Variants in DNAAF5 observed in about 807,000 individuals in gnomAD.
DNAAF5 encodes the protein HEAT repeat containing 2.
DNAAF5 carries 64 observed loss-of-function variants against 75.8 expected under a neutral mutation model. The ratio of observed to expected loss-of-function variants is 0.84; its 90% CI spans 0.69 to 1.04. The LOEUF is 1.04. Among genes scored for constraint, DNAAF5 ranks in the 50% least tolerant of loss-of-function variants. The pLI, the probability that DNAAF5 is intolerant of heterozygous loss-of-function variation, is 0.00. For missense variants in DNAAF5, 1,269 were observed against 1,178.5 expected, an observed-to-expected ratio of 1.08 and a Z score of -1.12; for synonymous variants, 657 against 557.2, an observed-to-expected ratio of 1.18 and a Z score of -2.52.
In DNAAF5 at chr7:727,234, C is replaced by A. The variant is rs997791435; in HGVS notation, c.514C>A (p.Arg172Ser). 7.3e-7 allele frequency: 1 copy of A among 1,362,742 alleles called. No individual in the cohort carries two copies. The highest frequency in any genetic ancestry group is 3.3e-5 in the Admixed American group (1 of 30,154). 84.4% of individuals were successfully genotyped at this position (1,362,742 alleles called of 1,614,324 possible). The change falls in exon 1 of 13, where the codon CGC (arginine) becomes AGC (serine). Residue 172 changes from arginine to serine, a missense_variant. Physicochemically the swap from Arg to Ser is moderately radical, Grantham distance 110. Transcript: ENST00000297440. ...PHLDDALRALRCSLLDPFAAV... is the reference protein window; with the variant it reads ...PHLDDALRALSCSLLDPFAAV... ...CCTGGACGACGCTCTGCGCGCGCTGCGCTGCTCCCTGCTCGACCCCTTCGC... is the reference window on the plus strand; with the variant it reads ...CCTGGACGACGCTCTGCGCGCGCTGAGCTGCTCCCTGCTCGACCCCTTCGC...
Position 766,035 on chromosome 7 carries a change from C to G in DNAAF5, c.1783+2061C>G, listed in dbSNP as rs375527632. On this transcript the variant is annotated intron_variant, in intron 8 of 12. Transcript: ENST00000297440. ...GTAGACATGGGGTCTCTTTATGTTG[C>G]CCAGGCTGACCTCAAACTCCTAGGC... 2.0e-4 allele frequency among the ~76,000 whole-genome samples: 30 copies of G among 152,294 alleles called. No homozygotes were observed. The East Asian group carries it at 5.0e-3, about 25-fold the overall frequency.
In DNAAF5 at chr7:737,545, C is replaced by T. The variant is rs114634506; in HGVS notation, c.781-3274C>T. Among the ~76,000 whole-genome samples the T allele has an allele frequency of 5.8e-3, 888 of 152,308 alleles. 11 individuals carry two copies. The highest frequency in any genetic ancestry group is 0.02 in the African/African-American group (841 of 41,564). ...TATCCTTTTAGATGATTTCTTATTG[C>T]TCCTCAGCATCCTTATTTTTCAGAT... On this transcript the variant is annotated intron_variant, in intron 2 of 12. Coordinates refer to ENST00000297440, the MANE Select transcript of DNAAF5 (RefSeq NM_017802.4).
chr7:727,742 C>T (rs1160042719), intron 1 of DNAAF5: 4 of 120,486 alleles, frequency 3.3e-5, no homozygotes, highest in Admixed American at 8.8e-5. Flanking sequence ...GCCCCCTCCA[C>T]CTGCCTATCC....
At chr7:772,838 G>T (rs1448274158) in intron 9 of DNAAF5, 1 of 152,050 alleles carries the variant, frequency 6.6e-6, no homozygotes, top group Non-Finnish European at 1.5e-5. Flanking sequence ...GCAAGAGCGA[G>T]ACTTTGTCTC....
intron 2 of DNAAF5, 38 bp downstream of exon 2, chr7:729,885 C>CCAA: frequency 1.2e-6 from 2 of 1,600,314 alleles, no homozygotes; most frequent in Non-Finnish European, 1.7e-6. Context: ...GTTCCTCTCT[C>CCAA]CAACACAGGC....
chr7:777,826 GA>G (rs1288887059), intron 11 of DNAAF5, among the ~76,000 whole-genome samples: 1 of 152,188 alleles, frequency 6.6e-6, no homozygotes, highest in East Asian at 1.9e-4. Flanking sequence ...ACGAGACAGA[GA>G]GGGGTGCAAG....
chr7:763,070 G>T (rs955506733), intron 7 of DNAAF5, among the ~76,000 whole-genome samples: 25 of 152,208 alleles, frequency 1.6e-4, no homozygotes, highest in African/African-American at 6.0e-4. Context: ...CTCTCTGGGA[G>T]ATTTACGGCC....
chr7:744,978 C>G (rs1405348789), intron 4 of DNAAF5, among the ~76,000 whole-genome samples: 1 of 152,162 alleles, frequency 6.6e-6, no homozygotes, highest in Non-Finnish European at 1.5e-5. Context: ...ACACTCTTGT[C>G]TCTGCATCAG....
At chr7:753,441 G>A (rs1469983734) in intron 4 of DNAAF5, among the ~76,000 whole-genome samples, 2 of 152,248 alleles carry the variant, frequency 1.3e-5, no homozygotes, top group East Asian at 1.9e-4. Context: ...CAGGGGTGCC[G>A]GGGTGCCTTG....
At position 729,853 on chromosome 7, in the gene DNAAF5, T is replaced by G; in HGVS notation, c.780+6T>G. 1 of 1,614,004 alleles carries G rather than the reference T, an allele frequency of 6.2e-7. No individual in the cohort carries two copies. Among genetic ancestry groups the G allele is most frequent in the Non-Finnish European group, 8.5e-7 (1 of 1,179,904 alleles). On this transcript the variant is annotated splice_donor_region_variant and intron_variant, in intron 2 of 12. Coordinates refer to ENST00000297440, the MANE Select transcript of DNAAF5 (RefSeq NM_017802.4). The stretch of plus-strand genomic sequence containing the variant: ...TGTTTGATGACGTCCCGCAGGTAAC[T>G]GGTGTTTCTCCTGGACAGTCTGTTC...
Position 726,915 on chromosome 7 carries a change from C to G in DNAAF5, c.195C>G (p.Asp65Glu). 7.4e-7 allele frequency: 1 copy of G among 1,346,646 alleles called. No individual in the cohort carries two copies. The highest frequency in any genetic ancestry group is 9.5e-7 in the Non-Finnish European group (1 of 1,047,266). The allele number at this position is 1,346,646 out of a possible 1,614,324, so 83.4% of individuals were successfully genotyped here. The change falls in exon 1 of 13, where the codon GAC (aspartate) becomes GAG (glutamate). Residue 65 changes from aspartate (D) to glutamate (E), a missense_variant. Physicochemically the swap from Asp to Glu is conservative, Grantham distance 45. Transcript: ENST00000297440. ...RALEEPGPAA[D>E]PTAFQGPWAR... The stretch of plus-strand genomic sequence containing the variant: ...TGGAGGAGCCAGGCCCTGCCGCCGA[C>G]CCCACCGCTTTCCAGGGCCCCTGGG...
intron 4 of DNAAF5, among the ~76,000 whole-genome samples, chr7:749,499 G>C (rs973930826): frequency 3.3e-5 from 5 of 152,144 alleles, no homozygotes; most frequent in African/African-American, 1.2e-4. Context: ...CTCCTGTTCT[G>C]CCTTGGAGCT....
rs568740898 is a variant in DNAAF5, at chr7:767,187, C to T, written c.1783+3213C>T. Among the ~76,000 whole-genome samples the T allele has an allele frequency of 3.7e-3, 540 of 145,156 alleles. 5 individuals are homozygous for T. The highest frequency in any genetic ancestry group is 0.013 in the African/African-American group (512 of 38,630). ...CCAGGAGACGGGGCTTGCAGTGAGC[C>T]GAGACTGTGCCACTGCCCTCCAGCC... is the stretch of plus-strand genomic sequence containing the variant. On this transcript the variant is annotated intron_variant, in intron 8 of 12. Transcript: ENST00000297440.
chr7:732,937 A>G lies in DNAAF5; in HGVS notation c.780+3090A>G, dbSNP rs149792612. On this transcript the variant is annotated intron_variant, in intron 2 of 12. Transcript: ENST00000297440. ...GGTCTTAGATTGAGGTCTTTAATCT[A>G]TTTTGATTTGATTTTTGTACATGGT... Among the ~76,000 whole-genome samples the G allele has an allele frequency of 2.8e-3, 419 of 152,220 alleles. 2 individuals carry two copies. The highest frequency in any genetic ancestry group is 9.3e-3 in the African/African-American group (386 of 41,544).
chr7:773,553 G>A (rs948929596), intron 9 of DNAAF5, among the ~76,000 whole-genome samples: 4 of 151,430 alleles, frequency 2.6e-5, no homozygotes, highest in Non-Finnish European at 4.4e-5. Flanking sequence ...CGCGCCTGTG[G>A]CCCTCCCATC....
intron 4 of DNAAF5, among the ~76,000 whole-genome samples, chr7:745,805 C>T (rs966148057): frequency 2.0e-5 from 3 of 152,248 alleles, no homozygotes; most frequent in Non-Finnish European, 4.4e-5. Context: ...AGTAGGTTCC[C>T]GGAAGGGGCT....
intron 2 of DNAAF5, among the ~76,000 whole-genome samples, chr7:733,598 G>A (rs1319550316): frequency 6.6e-6 from 1 of 152,110 alleles, no homozygotes; most frequent in Non-Finnish European, 1.5e-5. Context: ...CCAGGTTCAC[G>A]CCATTCTCCT....
chr7:785,377 T>A, intron 12 of DNAAF5, 140 bp from the exon 13 acceptor site: 1 of 887,932 alleles, frequency 1.1e-6, no homozygotes, highest in African/African-American at 1.7e-5. Context: ...GTGACTACTG[T>A]ATGTCCACCC....
chr7:726,907 G>T lies in DNAAF5; in HGVS notation c.187G>T (p.Ala63Ser). 7.4e-7 allele frequency: 1 copy of T among 1,345,414 alleles called. No individual in the cohort carries two copies. Among genetic ancestry groups the T allele is most frequent in the Non-Finnish European group, 9.5e-7 (1 of 1,047,328 alleles). The allele number at this position is 1,345,414 out of a possible 1,614,324, so 83.3% of individuals were successfully genotyped here. A position where few individuals can be genotyped will look rare whatever the true frequency, so the allele number is the denominator to read the frequency against. The change falls in exon 1 of 13, where the codon GCC becomes TCC. Residue 63 changes from alanine (A) to serine (S), a missense_variant. Coordinates refer to ENST00000297440, the MANE Select transcript of DNAAF5 (RefSeq NM_017802.4). ...LRRALEEPGP[A>S]ADPTAFQGPW... Reference sequence around the variant, plus strand: ...GCGCGCGCTGGAGGAGCCAGGCCCTGCCGCCGACCCCACCGCTTTCCAGGG... The same window carrying T: ...GCGCGCGCTGGAGGAGCCAGGCCCTTCCGCCGACCCCACCGCTTTCCAGGG...
Sources: allele counts gnomAD v4.1 joint callset (sites outside exome capture counted in the v4.1 genomes callset), GRCh38; gene constraint gnomAD v4.1.1; transcripts MANE v1.5; gene names NCBI Gene and HGNC (gene_info 2026-07-23, HGNC 2026-07-21).